APBA2: variants seen among roughly 807,000 people sequenced by gnomAD.
The protein encoded by APBA2 is amyloid beta precursor protein binding family A member 2.
In APBA2, 30 loss-of-function variants were observed where a neutral mutation model predicts 75.0. The observed-to-expected ratio is 0.40, with a 90% confidence interval of 0.30 to 0.54. APBA2 has a LOEUF of 0.54. APBA2 is among the 20% of genes least tolerant of loss of function. The probability of loss-of-function intolerance (pLI) is 0.49; values close to 1 mark genes in which losing one functional copy is unlikely to be tolerated. For synonymous variants in APBA2, 444 were observed against 409.6 expected (o/e 1.08, Z -1.01); for missense variants, 801 against 1,016.1 (o/e 0.79, Z 2.88).
intron 2 of APBA2, among the ~76,000 whole-genome samples, chr15:28,924,652 G>T (rs1047637325): frequency 6.6e-6 from 1 of 152,202 alleles, no homozygotes; most frequent in Non-Finnish European, 1.5e-5. Context: ...ACATTTGTTT[G>T]TGCCTTCATT....
At chr15:29,047,753 A>G (rs2041407659) in intron 3 of APBA2, among the ~76,000 whole-genome samples, 1 of 152,204 alleles carries the variant, frequency 6.6e-6, no homozygotes, top group African/African-American at 2.4e-5. Context: ...AAGTGACATC[A>G]TTTACCTAGA....
intron 2 of APBA2, among the ~76,000 whole-genome samples, chr15:28,922,021 C>A (rs2033999219): frequency 6.6e-6 from 1 of 152,216 alleles, no homozygotes; most frequent in Non-Finnish European, 1.5e-5. Context: ...TTCCCTGTAA[C>A]CCTGTCAGTC....
intron 2 of APBA2, among the ~76,000 whole-genome samples, chr15:28,948,402 T>C (rs2152717656): frequency 6.6e-6 from 1 of 151,980 alleles, no homozygotes; most frequent in East Asian, 1.9e-4. Flanking sequence ...AAATTAAAAC[T>C]CTGGGAGCTT....
At chr15:28,921,959 A>G (rs11853433) in intron 2 of APBA2, among the ~76,000 whole-genome samples, 2 of 152,222 alleles carry the variant, frequency 1.3e-5, no homozygotes, top group African/African-American at 4.8e-5. Context: ...TTGAGGCGAA[A>G]GGGGAAGAAC....
At chr15:29,061,786 C>T (rs1217022129) in intron 4 of APBA2, among the ~76,000 whole-genome samples, 2 of 152,208 alleles carry the variant, frequency 1.3e-5, no homozygotes, top group Admixed American at 6.5e-5. Context: ...GCAGTGGTAC[C>T]GTGTGTGTTC....
At chr15:29,110,262 A>G (rs2044657577) in intron 13 of APBA2, among the ~76,000 whole-genome samples, 1 of 152,158 alleles carries the variant, frequency 6.6e-6, no homozygotes, top group African/African-American at 2.4e-5. Flanking sequence ...ACAGCCCTGC[A>G]GCCCTCATGA....
chr15:28,969,814 C>T (rs1311426786), intron 2 of APBA2, among the ~76,000 whole-genome samples: 1 of 152,226 alleles, frequency 6.6e-6, no homozygotes, highest in Non-Finnish European at 1.5e-5. Flanking sequence ...GAATCATTTC[C>T]TGGTTCCTGG....
rs113209525 is a variant in APBA2 at position 29,094,244 on chromosome 15, C to T, written c.1216-34C>T. ...TCACGCACCTTCCTTCTCTCTGTGC[C>T]AACTTGTTTTTCTTTTCTCTTCCAT... is the stretch of plus-strand genomic sequence containing the variant. On this transcript the variant is annotated intron_variant, in intron 7 of 14. Coordinates refer to ENST00000683413, the MANE Select transcript of APBA2 (RefSeq NM_001353788.2). The T allele has an allele frequency of 6.2e-6, 10 of 1,613,406 alleles. No individual in the cohort carries two copies. The African/African-American group carries it at 1.1e-4, about 17-fold the overall frequency.
intron 6 of APBA2, 68 bp from the exon 7 acceptor site, chr15:29,093,007 A>G (rs1308753486): frequency 1.1e-5 from 17 of 1,594,310 alleles, no homozygotes; most frequent in East Asian, 4.5e-5. Flanking sequence ...TGCTATGGCC[A>G]GGCATGCAAG....
rs545755923 is a variant in APBA2 at position 29,032,765 on chromosome 15, G to A, written c.-40-21080G>A. ...TCTGAGATCCAGTTCCTACAAGACT[G>A]TGGCACTCAGTACTTTTCATCTCAT... On this transcript the variant is annotated intron_variant, in intron 3 of 14. Coordinates refer to ENST00000683413, the MANE Select transcript of APBA2 (RefSeq NM_001353788.2). 4.7e-4 allele frequency among the ~76,000 whole-genome samples: 71 copies of A among 152,032 alleles called. 1 individual carries two copies. The highest frequency in any genetic ancestry group is 1.5e-3 in the African/African-American group (61 of 41,480).
intron 3 of APBA2, among the ~76,000 whole-genome samples, chr15:29,045,069 T>TTC (rs1555399868): frequency 0.025 from 2,085 of 82,826 alleles, 34 homozygotes; most frequent in South Asian, 0.095. Context: ...CCCTCCCTCC[T>TTC]TCTCTCTCTC....
At chr15:29,044,433 T>A (rs1319366421) in intron 3 of APBA2, 1 of 152,192 alleles carries the variant, frequency 6.6e-6, no homozygotes, top group Non-Finnish European at 1.5e-5. Flanking sequence ...TAGCAGGTAA[T>A]CATGCTTCTC....
At chr15:28,917,880 GGCC>G (rs1240282567) in intron 1 of APBA2, among the ~76,000 whole-genome samples, 1 of 152,102 alleles carries the variant, frequency 6.6e-6, no homozygotes, top group Admixed American at 6.6e-5. Flanking sequence ...GGGTACTGGG[GGCC>G]AGCTGGTCTC....
chr15:29,103,903 C>T (rs2152967436), intron 10 of APBA2, among the ~76,000 whole-genome samples: 1 of 152,328 alleles, frequency 6.6e-6, no homozygotes, highest in South Asian at 2.1e-4. Flanking sequence ...CTCGCCAACT[C>T]CGCAGGCCAG....
At chr15:29,021,850 A>G (rs542080977) in intron 3 of APBA2, among the ~76,000 whole-genome samples, 58 of 151,816 alleles carry the variant, frequency 3.8e-4, no homozygotes, top group South Asian at 2.5e-3. Context: ...CTCTGCTTCT[A>G]TGAGTTGACT....
intron 2 of APBA2, among the ~76,000 whole-genome samples, chr15:28,931,105 C>A (rs2034540693): frequency 6.6e-6 from 1 of 152,254 alleles, no homozygotes; most frequent in Non-Finnish European, 1.5e-5. Context: ...CCAGCCCCCT[C>A]CATGAGGCAC....
At chr15:29,012,863 C>T (rs911594038) in intron 3 of APBA2, among the ~76,000 whole-genome samples, 2 of 152,142 alleles carry the variant, frequency 1.3e-5, no homozygotes, top group Non-Finnish European at 2.9e-5. Flanking sequence ...CCACTACTTT[C>T]TTCCTGTGTG....
At chr15:29,061,073 G>A (rs2042111176) in intron 4 of APBA2, among the ~76,000 whole-genome samples, 1 of 152,142 alleles carries the variant, frequency 6.6e-6, no homozygotes, top group Admixed American at 6.5e-5. Flanking sequence ...CACTCCTGGG[G>A]GGCACCATAA....
intron 2 of APBA2, among the ~76,000 whole-genome samples, chr15:28,959,975 C>G (rs1442466503): frequency 6.6e-6 from 1 of 152,014 alleles, no homozygotes; most frequent in Non-Finnish European, 1.5e-5. Flanking sequence ...GAAACGCCAT[C>G]TCTACTAAAA....
Sources: gnomAD v4.1 joint callset for allele counts (sites outside exome capture counted in the v4.1 genomes callset) on GRCh38, gnomAD v4.1.1 for gene constraint, MANE v1.5 for transcripts, NCBI Gene and HGNC (gene_info 2026-07-23, HGNC 2026-07-21) for gene names.